MYO9A: variants seen among roughly 807,000 people sequenced by gnomAD.
The protein encoded by MYO9A is myosin IXA.
MYO9A carries 103 observed loss-of-function variants against 293.3 expected under a neutral mutation model. The observed-to-expected ratio is 0.35, with a 90% CI of 0.30 to 0.41. The LOEUF (loss-of-function observed/expected upper bound fraction) is 0.41, where lower values mean the gene tolerates loss of function less well. MYO9A is among the 10% of genes least tolerant of loss of function. MYO9A has a pLI of 1.00. For synonymous variants in MYO9A, 1,001 were observed against 1,035.7 expected (o/e 0.97, Z 0.64); for missense variants, 2,685 against 3,033.0 (o/e 0.89, Z 2.69).
At chr15:71,878,899 A>G (rs1021661791) in intron 30 of MYO9A, among the ~76,000 whole-genome samples, 11 of 151,408 alleles carry the variant, frequency 7.3e-5, no homozygotes, top group Non-Finnish European at 1.2e-4. Context: ...TGGGATTACA[A>G]GCATGCACCA....
intron 15 of MYO9A, among the ~76,000 whole-genome samples, chr15:71,942,088 A>C (rs2058792235): frequency 6.6e-6 from 1 of 152,064 alleles, no homozygotes; most frequent in African/African-American, 2.4e-5. Flanking sequence ...AATCATATAA[A>C]TTAAATACAA....
chr15:72,103,808 T>C (rs1049862117), intron 1 of MYO9A, among the ~76,000 whole-genome samples: 3 of 152,170 alleles, frequency 2.0e-5, no homozygotes, highest in African/African-American at 7.2e-5. Context: ...GACTTAAAAT[T>C]ATGAAGCAAA....
intron 28 of MYO9A, 54 bp downstream of exon 28, chr15:71,883,540 A>T (rs900480565): frequency 7.0e-6 from 11 of 1,561,340 alleles, no homozygotes; most frequent in Non-Finnish European, 9.5e-6. Flanking sequence ...GCAAACTTTC[A>T]GAAAGAGTGA....
At chr15:71,842,061 T>C (rs189555720) in intron 39 of MYO9A, among the ~76,000 whole-genome samples, 2 of 152,276 alleles carry the variant, frequency 1.3e-5, no homozygotes, top group East Asian at 3.9e-4. Flanking sequence ...AGCATAATTC[T>C]TAATGGTTTT....
intron 2 of MYO9A, among the ~76,000 whole-genome samples, chr15:72,037,713 A>C (rs1361188048): frequency 6.6e-6 from 1 of 152,180 alleles, no homozygotes; most frequent in African/African-American, 2.4e-5. Flanking sequence ...GTAAGAAAAC[A>C]ACCACAAACC....
chr15:72,100,931 C>A, intron 1 of MYO9A, among the ~76,000 whole-genome samples: 1 of 135,902 alleles, frequency 7.4e-6, no homozygotes, highest in South Asian at 2.4e-4. Flanking sequence ...GGGGGGTCAG[C>A]CCCCCGCCCG....
At chr15:72,082,384 C>T (rs1267581452) in intron 1 of MYO9A, among the ~76,000 whole-genome samples, 3 of 152,134 alleles carry the variant, frequency 2.0e-5, no homozygotes, top group East Asian at 1.9e-4. Context: ...TTTTATATCC[C>T]GAGACTTTGC....
At chr15:71,833,010 G>C (rs1384966510) in intron 39 of MYO9A, among the ~76,000 whole-genome samples, 1 of 150,412 alleles carries the variant, frequency 6.6e-6, no homozygotes, top group Non-Finnish European at 1.5e-5. Flanking sequence ...CCAAACAAAA[G>C]AAAAAATGGA....
chr15:71,969,784 T>C (rs1462939240), intron 12 of MYO9A, among the ~76,000 whole-genome samples: 2 of 152,124 alleles, frequency 1.3e-5, no homozygotes, highest in East Asian at 1.9e-4. Flanking sequence ...TCAACAGACA[T>C]GTATGGATAC....
intron 1 of MYO9A, among the ~76,000 whole-genome samples, chr15:72,074,950 C>CTTTTTTT (rs1567012010): frequency 1.4e-5 from 1 of 71,666 alleles, no homozygotes. Context: ...ATTTTCACTG[C>CTTTTTTT]CTTTTTTTTT....
At chr15:71,860,996 C>CAAAAAAAAAAAAAAAAAAAAAAAAAAAAA in intron 33 of MYO9A, among the ~76,000 whole-genome samples, 1 of 99,300 alleles carries the variant, frequency 1.0e-5, no homozygotes, top group South Asian at 3.2e-4. Context: ...AAAAAAAAAT[C>CAAAAAAAAAAAAAAAAAAAAAAAAAAAAA]AAACCAGCCC....
intron 1 of MYO9A, among the ~76,000 whole-genome samples, chr15:72,089,219 A>G (rs1039947267): frequency 6.6e-6 from 1 of 152,056 alleles, no homozygotes; most frequent in Non-Finnish European, 1.5e-5. Context: ...CTACAGTGCA[A>G]TGTCTTGATC....
chr15:72,080,644 G>C (rs531551716), intron 1 of MYO9A, among the ~76,000 whole-genome samples: 2 of 152,008 alleles, frequency 1.3e-5, no homozygotes, highest in Admixed American at 1.3e-4. Flanking sequence ...AAGGGTACAT[G>C]TGCAGGTTTC....
At chr15:71,924,241 CATTATT>C (rs2058231438) in intron 18 of MYO9A, among the ~76,000 whole-genome samples, 1 of 151,282 alleles carries the variant, frequency 6.6e-6, no homozygotes, top group African/African-American at 2.4e-5. Flanking sequence ...TTATTATTAT[CATTATT>C]GTTATTATTT....
chr15:72,085,387 C>G (rs2079686135), intron 1 of MYO9A, among the ~76,000 whole-genome samples: 1 of 147,290 alleles, frequency 6.8e-6, no homozygotes, highest in Admixed American at 6.8e-5. Flanking sequence ...GTGAGAGAGT[C>G]TGTCTCAAAA....
chr15:72,061,229 T>C (rs2078869035), intron 1 of MYO9A, among the ~76,000 whole-genome samples: 1 of 152,138 alleles, frequency 6.6e-6, no homozygotes, highest in Non-Finnish European at 1.5e-5. Context: ...CCCAGTACCA[T>C]GCTAACTTCA....
rs1567359498 is a variant in MYO9A at position 71,994,519 on chromosome 15, G to GA, written c.1536dup (p.Arg513SerfsTer3). On this transcript the variant is annotated frameshift_variant, in exon 10 of 42. Transcript: ENST00000356056. LOFTEE classifies it high-confidence loss of function. Reference sequence around the variant, plus strand: ...CTATTCAGAAGTGCATGATTAATTCGAAAAACTATCCAGTCAAACAGGGCA... The same window carrying GA: ...CTATTCAGAAGTGCATGATTAATTCGAAAAAACTATCCAGTCAAACAGGGCA... 1.2e-6 allele frequency: 2 copies of GA among 1,611,480 alleles called. No individual in the cohort carries two copies. The highest frequency in any genetic ancestry group is 1.7e-6 in the Non-Finnish European group (2 of 1,179,378).
At chr15:72,047,774 C>CTTTT (rs11397735) in intron 1 of MYO9A, among the ~76,000 whole-genome samples, 47,426 of 73,668 alleles carry the variant, frequency 0.64, 17,285 homozygotes, top group Middle Eastern at 0.78. Context: ...CAGTTACTTC[C>CTTTT]TTTTTTTTTT....
chr15:71,901,524 ATAG>A (rs2057483567), intron 22 of MYO9A, among the ~76,000 whole-genome samples, 184 bp from the exon 23 acceptor site: 1 of 152,164 alleles, frequency 6.6e-6, no homozygotes, highest in Non-Finnish European at 1.5e-5. Context: ...TGAAATGGAG[ATAG>A]TAGAATACGG....
Sources: gnomAD v4.1 joint callset for allele counts (sites outside exome capture counted in the v4.1 genomes callset) on GRCh38, gnomAD v4.1.1 for gene constraint, MANE v1.5 for transcripts, NCBI Gene and HGNC (gene_info 2026-07-23, HGNC 2026-07-21) for gene names.